FBL: variants seen among roughly 807,000 people sequenced by gnomAD.
The protein encoded by FBL is fibrillarin rRNA 2'-O-methyltransferase.
In FBL, 10 loss-of-function variants were observed where a neutral mutation model predicts 42.2. The observed-to-expected ratio is 0.24, with a 90% CI of 0.15 to 0.40. The LOEUF is 0.40. Among genes scored for constraint, FBL ranks in the 10% least tolerant of loss-of-function variants. FBL has a pLI of 1.00. For synonymous variants in FBL, 165 were observed against 165.4 expected (o/e 1.00, Z 0.02); for missense variants, 351 against 439.2 (o/e 0.80, Z 1.79).
chr19:39,834,936 G>A, intron 7 of FBL, 123 bp from the exon 8 acceptor site: 1 of 987,346 alleles, frequency 1.0e-6, no homozygotes, highest in Non-Finnish European at 1.5e-6. Flanking sequence ...GTTCTAGTGT[G>A]TCCCCCAAAG....
chr19:39,845,582 GA>G (rs889264116), intron 1 of FBL, among the ~76,000 whole-genome samples: 1 of 152,170 alleles, frequency 6.6e-6, no homozygotes, highest in African/African-American at 2.4e-5. Flanking sequence ...AAAATCTTAA[GA>G]ATAAAACTAC....
At position 39,840,171 on chromosome 19, in the gene FBL, C is replaced by G. The variant is rs1366473545; in HGVS notation, c.378+62G>C. ...GCAGGACACATGGTGAGGGCAGACA[C>G]AGACTACTGGCTACACCCTCAGCTG... On this transcript the variant is annotated intron_variant, in intron 4 of 8. Coordinates refer to ENST00000221801, the MANE Select transcript of FBL (RefSeq NM_001436.4). This position sits in a 1 kb window ranked among gnomAD's most constrained non-coding sequence, Gnocchi z 4.5. 3.5e-6 allele frequency: 4 copies of G among 1,157,530 alleles called. No individual in the cohort carries two copies. The highest frequency in any genetic ancestry group is 1.2e-5 in the South Asian group (1 of 81,282). 71.7% of individuals were successfully genotyped at this position (1,157,530 alleles called of 1,614,324 possible).
chr19:39,840,799 A>T lies in FBL; in HGVS notation c.11-12T>A. 1 of 1,530,794 alleles carries T rather than the reference A, an allele frequency of 6.5e-7. No individual in the cohort carries two copies. The highest frequency in any genetic ancestry group is 2.4e-5 in the East Asian group (1 of 42,068). The allele number at this position is 1,530,794 out of a possible 1,614,324, so 94.8% of individuals were successfully genotyped here. A position where few individuals can be genotyped will look rare whatever the true frequency, so the allele number is the denominator to read the frequency against. On this transcript the variant is annotated splice_polypyrimidine_tract_variant and intron_variant, in intron 1 of 8. Transcript: ENST00000221801. The surrounding 1 kb of genome is among the most constrained non-coding windows in gnomAD (Gnocchi z 4.5). ...ACGGGGACTGAATCCTGTGGGGGAA[A>T]CAAAACAGGAGTCAGGGCAATGAAG...
At chr19:39,835,551 T>G (rs1969026850) in intron 7 of FBL, among the ~76,000 whole-genome samples, 1 of 152,060 alleles carries the variant, frequency 6.6e-6, no homozygotes, top group Non-Finnish European at 1.5e-5. Flanking sequence ...AATAAATAAA[T>G]TACCCAGTCT....
intron 6 of FBL, among the ~76,000 whole-genome samples, chr19:39,837,135 A>G (rs565179300): frequency 9.2e-5 from 14 of 152,378 alleles, no homozygotes; most frequent in African/African-American, 3.4e-4. Flanking sequence ...AAGGAGCAGA[A>G]TGAAAAATAA....
At chr19:39,834,867 T>A in intron 7 of FBL, 54 bp from the exon 8 acceptor site, 2 of 1,578,268 alleles carry the variant, frequency 1.3e-6, no homozygotes, top group Middle Eastern at 1.7e-4. Flanking sequence ...TGTTTTTCTC[T>A]TGTGTGCTCT....
intron 1 of FBL, among the ~76,000 whole-genome samples, chr19:39,845,647 T>TG (rs1969250021): frequency 6.6e-6 from 1 of 152,164 alleles, no homozygotes; most frequent in Non-Finnish European, 1.5e-5. Flanking sequence ...GCCGAGCTTG[T>TG]TAAGTCTCGT....
Position 39,836,659 on chromosome 19 carries a change from T to C in FBL, c.692A>G (p.Asp231Gly). 1.2e-6 allele frequency: 2 copies of C among 1,613,354 alleles called. No individual in the cohort carries two copies. Among genetic ancestry groups the C allele is most frequent in the Non-Finnish European group, 1.7e-6 (2 of 1,179,398 alleles). Residue 231 changes from aspartate to glycine, a missense_variant, in exon 7 of 9, where the codon GAT (aspartate) becomes GGT (glycine). Physicochemically the swap from Asp to Gly is moderately conservative, Grantham distance 94 (BLOSUM62 -1). Transcript: ENST00000221801. ...CTGGGCCACATCAGCAAAGATCACA[T>C]CCACCATTGCTAAGGAGAAAGGAGC... ...HKYRMLIAMV[D>G]VIFADVAQPD... is the part of the protein sequence containing the mutation.
intron 1 of FBL, among the ~76,000 whole-genome samples, chr19:39,844,406 C>A (rs1219082294): frequency 1.3e-5 from 2 of 152,002 alleles, no homozygotes; most frequent in African/African-American, 4.8e-5. Context: ...GGAAAATGTA[C>A]CAAAAGTACC....
intron 1 of FBL, among the ~76,000 whole-genome samples, chr19:39,843,950 A>G (rs1346569008): frequency 6.6e-6 from 1 of 152,166 alleles, no homozygotes; most frequent in African/African-American, 2.4e-5. Context: ...CATTCCTCAG[A>G]AAAAACACAT....
chr19:39,838,492 C>T (rs1479771429), intron 5 of FBL: 1 of 153,236 alleles, frequency 6.5e-6, no homozygotes, highest in East Asian at 1.9e-4. Context: ...AACTCCTGAC[C>T]TCAGGTGATC....
At chr19:39,843,900 G>C (rs1295755262) in intron 1 of FBL, among the ~76,000 whole-genome samples, 3 of 152,116 alleles carry the variant, frequency 2.0e-5, no homozygotes, top group African/African-American at 7.2e-5. Context: ...AAACTCAGGG[G>C]TACGCGTCTC....
Position 39,840,754 on chromosome 19 carries a change from C to T in FBL, c.44G>A (p.Arg15Gln), listed in dbSNP as rs950994461. ...FSPRGGGFGG[R>Q]GGFGDRGGRG... ...ACCACCACGGTCACCAAAGCCCCCTCGGCCGCCAAAGCCACCCCCACGGGG... is the reference window on the plus strand; with the variant it reads ...ACCACCACGGTCACCAAAGCCCCCTTGGCCGCCAAAGCCACCCCCACGGGG... The change falls in exon 2 of 9, where the codon CGA becomes CAA. Residue 15 changes from arginine to glutamine, a missense_variant. Arg to Gln is a conservative substitution (Grantham distance 43). Transcript: ENST00000221801. This position sits in a 1 kb window ranked among gnomAD's most constrained non-coding sequence, Gnocchi z 4.5. The T allele has an allele frequency of 8.9e-6, 14 of 1,572,168 alleles. No homozygotes were observed. The highest frequency in any genetic ancestry group is 7.6e-5 in the Admixed American group (4 of 52,676).
chr19:39,838,053 A>G, intron 5 of FBL: 2 of 511,854 alleles, frequency 3.9e-6, no homozygotes, highest in South Asian at 4.7e-5. Flanking sequence ...AGCAAGTAGC[A>G]AAAGTACCCA....
intron 7 of FBL, among the ~76,000 whole-genome samples, chr19:39,835,930 TA>T (rs771927497): frequency 0.013 from 1,799 of 143,500 alleles, 11 homozygotes; most frequent in Admixed American, 0.015. Context: ...TGTCTCAAAT[TA>T]AAAAAAAAAA....
chr19:39,843,781 TA>T (rs748812033), intron 1 of FBL, among the ~76,000 whole-genome samples: 3 of 151,596 alleles, frequency 2.0e-5, no homozygotes, highest in African/African-American at 7.3e-5. Flanking sequence ...AAAATAAAAA[TA>T]AAAAAAATGC....
chr19:39,844,594 G>C (rs1048804967), intron 1 of FBL, among the ~76,000 whole-genome samples: 6 of 151,918 alleles, frequency 3.9e-5, no homozygotes, highest in African/African-American at 1.5e-4. Context: ...GGTTATCCTT[G>C]ACTCCGATCA....
chr19:39,834,916 CAG>C (rs1969003477), intron 7 of FBL, 103 bp from the exon 8 acceptor site: 13 of 1,248,622 alleles, frequency 1.0e-5, no homozygotes, highest in Non-Finnish European at 1.4e-5. Context: ...AAGTAAAACT[CAG>C]TGCTATGGTT....
rs112415492 is a variant in FBL, at chr19:39,835,303, G to A, written c.796-490C>T. Among the ~76,000 whole-genome samples, 1,303 of 152,132 alleles carry A rather than the reference G, an allele frequency of 8.6e-3. 11 individuals are homozygous for A. Among genetic ancestry groups the A allele is most frequent in the African/African-American group, 0.027 (1,138 of 41,514 alleles). ...TGGGAGGCCGAGGTGGCTCAATCACGAAATCAGGAGATTGAGACCATCCTG... is the reference window on the plus strand; with the variant it reads ...TGGGAGGCCGAGGTGGCTCAATCACAAAATCAGGAGATTGAGACCATCCTG... On this transcript the variant is annotated intron_variant, in intron 7 of 8. Transcript: ENST00000221801.
Sources: gnomAD v4.1 joint callset for allele counts (sites outside exome capture counted in the v4.1 genomes callset) on GRCh38, gnomAD v4.1.1 for gene constraint, Gnocchi (gnomAD v3.1) non-coding constraint, MANE v1.5 for transcripts, NCBI Gene and HGNC (gene_info 2026-07-23, HGNC 2026-07-21) for gene names.